Variants in ATP8B4 observed in about 807,000 individuals in gnomAD.
ATP8B4 encodes ATPase phospholipid transporting 8B4 (putative).
In ATP8B4, 133 loss-of-function variants were observed where a neutral mutation model predicts 145.6. That is an observed-to-expected ratio of 0.91 (90% CI 0.79 to 1.05). The LOEUF is 1.05. ATP8B4 is among the 50% of genes least tolerant of loss of function. The pLI is 0.00. For missense variants in ATP8B4, 1,458 were observed against 1,425.2 expected (o/e 1.02, Z -0.37); for synonymous variants, 507 against 492.9 (o/e 1.03, Z -0.38).
At chr15:49,864,268 A>C in intron 26 of ATP8B4, among the ~76,000 whole-genome samples, 1 of 152,196 alleles carries the variant, frequency 6.6e-6, no homozygotes, top group East Asian at 1.9e-4. Flanking sequence ...ATTGAATTAC[A>C]ATTTCAGGTG....
At chr15:50,144,106 G>A (rs980329298) in intron 1 of ATP8B4, among the ~76,000 whole-genome samples, 1 of 152,140 alleles carries the variant, frequency 6.6e-6, no homozygotes, top group African/African-American at 2.4e-5. Flanking sequence ...ACTAGGTCAG[G>A]GTTGTGCCTT....
chr15:50,156,776 C>G (rs2044427026), intron 1 of ATP8B4, among the ~76,000 whole-genome samples: 1 of 152,154 alleles, frequency 6.6e-6, no homozygotes, highest in Non-Finnish European at 1.5e-5. Flanking sequence ...CTTGGCATGA[C>G]TTAATGTTTG....
At chr15:49,944,144 G>C (rs1346373323) in intron 14 of ATP8B4, among the ~76,000 whole-genome samples, 1 of 152,084 alleles carries the variant, frequency 6.6e-6, no homozygotes, top group African/African-American at 2.4e-5. Flanking sequence ...AAGACAGCAA[G>C]AGACAAAAAG....
intron 3 of ATP8B4, among the ~76,000 whole-genome samples, chr15:50,062,273 G>A (rs1020439709): frequency 1.3e-5 from 2 of 152,116 alleles, no homozygotes; most frequent in Admixed American, 6.6e-5. Context: ...ACAATAGTGA[G>A]TTCTAGTGAG....
At chr15:50,040,201 AT>A (rs1438619312) in intron 5 of ATP8B4, among the ~76,000 whole-genome samples, 69 of 152,314 alleles carry the variant, frequency 4.5e-4, no homozygotes, top group African/African-American at 1.6e-3. Context: ...CTGGCAGAAG[AT>A]TCGAGTCAGA....
At chr15:50,084,001 G>C (rs2054728278) in intron 2 of ATP8B4, among the ~76,000 whole-genome samples, 1 of 152,140 alleles carries the variant, frequency 6.6e-6, no homozygotes, top group African/African-American at 2.4e-5. Context: ...CTGGAGAAAA[G>C]GAACATCACA....
intron 25 of ATP8B4, among the ~76,000 whole-genome samples, chr15:49,874,988 G>T (rs147337810): frequency 1.3e-5 from 2 of 152,160 alleles, no homozygotes; most frequent in East Asian, 1.9e-4. Flanking sequence ...AAAAAAAAGA[G>T]AAAAAGATGC....
At chr15:50,105,681 G>A (rs1013427673) in intron 2 of ATP8B4, among the ~76,000 whole-genome samples, 7 of 152,034 alleles carry the variant, frequency 4.6e-5, no homozygotes, top group East Asian at 3.8e-4. Flanking sequence ...TTATTTCTAG[G>A]TGGCATGATT....
At chr15:49,897,152 A>G in intron 23 of ATP8B4, 140 bp downstream of exon 23, 1 of 752,574 alleles carries the variant, frequency 1.3e-6, no homozygotes. Flanking sequence ...TATCAATTAC[A>G]TAATTGTAAT....
At chr15:49,908,519 C>T (rs1305179250) in intron 20 of ATP8B4, among the ~76,000 whole-genome samples, 1 of 151,872 alleles carries the variant, frequency 6.6e-6, no homozygotes, top group Non-Finnish European at 1.5e-5. Context: ...ACAGACTCCA[C>T]TCCTAGCCAT....
intron 1 of ATP8B4, among the ~76,000 whole-genome samples, chr15:50,158,794 T>C (rs1000656532): frequency 1.3e-5 from 2 of 152,238 alleles, no homozygotes; most frequent in African/African-American, 4.8e-5. Flanking sequence ...CCTGTTGATC[T>C]ATGACCTTAC....
rs143008948 is a variant in ATP8B4, at chr15:49,951,699, G to A, written c.1287+10278C>T. On this transcript the variant is annotated intron_variant, in intron 14 of 27. Transcript: ENST00000284509. The stretch of plus-strand genomic sequence containing the variant: ...GGCATTTAGCTCATTTATATTTAAG[G>A]TTAGTATTGTTATATGTGAATTTGA... Among the ~76,000 whole-genome samples, 1,121 of 152,208 alleles carry A rather than the reference G, an allele frequency of 7.4e-3. 17 individuals are homozygous for A. Among genetic ancestry groups the A allele is most frequent in the African/African-American group, 0.026 (1,071 of 41,518 alleles).
chr15:49,922,512 A>C, intron 17 of ATP8B4: 1 of 341,096 alleles, frequency 2.9e-6, no homozygotes, highest in Non-Finnish European at 5.7e-6. Flanking sequence ...TTAAAGTGAG[A>C]CAGAGGATTT....
intron 2 of ATP8B4, among the ~76,000 whole-genome samples, chr15:50,094,675 T>C (rs890467362): frequency 2.8e-5 from 4 of 141,308 alleles, no homozygotes; most frequent in Non-Finnish European, 4.6e-5. Flanking sequence ...TATATCCATA[T>C]ATATTTGTAT....
rs746691039 is a variant in ATP8B4, at chr15:49,859,696, C to A, written c.*498G>T. Reference sequence around the variant, plus strand: ...GATATCAAGACTAAAGAGTGACATGCAACTCAGTCTGAAAGCAACACAGTA... The same window carrying A: ...GATATCAAGACTAAAGAGTGACATGAAACTCAGTCTGAAAGCAACACAGTA... On this transcript the variant is annotated 3_prime_UTR_variant, in exon 28 of 28. Transcript: ENST00000284509. 6.5e-6 allele frequency: 1 copy of A among 153,682 alleles called. No homozygotes were observed. The highest frequency in any genetic ancestry group is 1.4e-5 in the Non-Finnish European group (1 of 69,062). 9.5% of individuals were successfully genotyped at this position (153,682 alleles called of 1,614,324 possible).
At chr15:49,935,936 A>C (rs1462292696) in intron 14 of ATP8B4, among the ~76,000 whole-genome samples, 1 of 152,116 alleles carries the variant, frequency 6.6e-6, no homozygotes, top group Non-Finnish European at 1.5e-5. Flanking sequence ...CCTAACTGGT[A>C]AGATGACGTT....
At chr15:50,003,060 A>C (rs1459544806) in intron 7 of ATP8B4, among the ~76,000 whole-genome samples, 1 of 152,126 alleles carries the variant, frequency 6.6e-6, no homozygotes, top group Admixed American at 6.5e-5. Context: ...AATTGGCTTA[A>C]ATTTTAGCAA....
At chr15:50,171,421 A>G (rs2044672952) in intron 1 of ATP8B4, among the ~76,000 whole-genome samples, 1 of 152,216 alleles carries the variant, frequency 6.6e-6, no homozygotes, top group African/African-American at 2.4e-5. Context: ...AACCATGCAA[A>G]TACATGGAAA....
At position 49,876,385 on chromosome 15, in the gene ATP8B4, AG is replaced by A. The variant is rs1213530427; in HGVS notation, c.2919del (p.Tyr974MetfsTer37). ...IYTSLVLFFIPYGAFYNVAGE... is the reference protein window; with the variant it reads ...IYTSLVLFFIXYGAFYNVAGE... ...CCAGCCACGTTGTAAAAGGCCCCATAGGGGATGAAGAAAAGGACTAATGAGG... is the reference window on the plus strand; with the variant it reads ...CCAGCCACGTTGTAAAAGGCCCCATAGGGATGAAGAAAAGGACTAATGAGG... On this transcript the variant is annotated frameshift_variant, in exon 25 of 28. Transcript: ENST00000284509. LOFTEE classifies it high-confidence loss of function. 2 of 1,614,152 alleles carry A rather than the reference AG, an allele frequency of 1.2e-6. No individual in the cohort carries two copies. The highest frequency in any genetic ancestry group is 1.7e-6 in the Non-Finnish European group (2 of 1,179,998).
Sources: allele counts gnomAD v4.1 joint callset (sites outside exome capture counted in the v4.1 genomes callset), GRCh38; gene constraint gnomAD v4.1.1; transcripts MANE v1.5; gene names NCBI Gene and HGNC (gene_info 2026-07-23, HGNC 2026-07-21).